Variants in CMSS1 observed in about 807,000 individuals in gnomAD.
CMSS1 encodes protein CMSS1.
Under a neutral mutation model 43.5 loss-of-function variants are expected in CMSS1, and 33 were observed. The ratio of observed to expected loss-of-function variants is 0.76; its 90% confidence interval spans 0.57 to 1.01. The LOEUF (loss-of-function observed/expected upper bound fraction) is 1.01, where lower values mean the gene tolerates loss of function less well. Among genes scored for constraint, CMSS1 ranks in the 50% least tolerant of loss-of-function variants. The probability of loss-of-function intolerance (pLI) is 0.00; values close to 1 mark genes in which losing one functional copy is unlikely to be tolerated. For missense variants in CMSS1, 313 were observed against 326.4 expected (o/e 0.96, Z 0.32); for synonymous variants, 115 against 117.2 (o/e 0.98, Z 0.12).
intron 1 of CMSS1, among the ~76,000 whole-genome samples, chr3:100,057,943 G>A (rs1016953115): frequency 2.6e-5 from 4 of 152,112 alleles, no homozygotes; most frequent in South Asian, 2.1e-4. Context: ...TAAATCTTTC[G>A]ACATCGTGAG....
chr3:99,849,981 ATC>A (rs1559657418), intron 1 of CMSS1: 1 of 1,612,230 alleles, frequency 6.2e-7, no homozygotes. Context: ...TTTTTAAATC[ATC>A]TCTCTCCTTG....
At chr3:100,000,639 C>G (rs1259175521) in intron 1 of CMSS1, among the ~76,000 whole-genome samples, 1 of 152,164 alleles carries the variant, frequency 6.6e-6, no homozygotes, top group Admixed American at 6.5e-5. Flanking sequence ...TGCTTGGGCC[C>G]AGGAGTTCAA....
chr3:99,925,794 T>G lies in CMSS1; in HGVS notation c.64+107751T>G, dbSNP rs545305886. ...ACCTCATAAAGGAAGAACCAGGCAG[T>G]AAAGAACATGCCAGTGGCCAAAAGC... is the stretch of plus-strand genomic sequence containing the variant. On this transcript the variant is annotated intron_variant, in intron 1 of 9. Transcript: ENST00000421999. 67 of 945,616 alleles carry G rather than the reference T, an allele frequency of 7.1e-5. No homozygotes were observed. In the Admixed American group the frequency reaches 7.4e-4, roughly 10 times the overall value. 58.6% of individuals were successfully genotyped at this position (945,616 alleles called of 1,614,324 possible). A position where few individuals can be genotyped will look rare whatever the true frequency, so the allele number is the denominator to read the frequency against.
chr3:100,171,861 G>A lies in CMSS1; in HGVS notation c.541G>A (p.Asp181Asn). ...LIRSMTAFRGDGKVIKLFAKH... is the reference protein window; with the variant it reads ...LIRSMTAFRGNGKVIKLFAKH... ...TAGGTCGATGACAGCATTCAGAGGA[G>A]ACGGCAAAGTTATAAAATTATTTGC... Residue 181 changes from aspartate (D) to asparagine (N), a missense_variant, in exon 7 of 10, where the codon GAC (aspartate) becomes AAC (asparagine). Asp to Asn is a conservative substitution (Grantham distance 23). Coordinates refer to ENST00000421999, the MANE Select transcript of CMSS1 (RefSeq NM_032359.4). 1 of 1,613,984 alleles carries A rather than the reference G, an allele frequency of 6.2e-7. No homozygotes were observed. The highest frequency in any genetic ancestry group is 1.1e-5 in the South Asian group (1 of 91,084).
At chr3:100,168,473 C>T (rs149813173) in intron 6 of CMSS1, among the ~76,000 whole-genome samples, 18 of 152,178 alleles carry the variant, frequency 1.2e-4, no homozygotes, top group African/African-American at 4.3e-4. Flanking sequence ...GGTGGGAGAA[C>T]TCTTGAGCCC....
intron 1 of CMSS1, among the ~76,000 whole-genome samples, chr3:100,032,904 C>T (rs2065044009): frequency 1.3e-5 from 2 of 152,128 alleles, no homozygotes; most frequent in Non-Finnish European, 2.9e-5. Context: ...TTCCCTGCAA[C>T]AAGCCTGCAA....
At chr3:99,880,966 G>A (rs1303651789) in intron 1 of CMSS1, among the ~76,000 whole-genome samples, 3 of 152,044 alleles carry the variant, frequency 2.0e-5, no homozygotes, top group African/African-American at 4.8e-5. Flanking sequence ...GTAGACATTG[G>A]GCTATTTAAA....
At chr3:100,061,562 A>T (rs952892485) in intron 1 of CMSS1, among the ~76,000 whole-genome samples, 15 of 152,220 alleles carry the variant, frequency 9.9e-5, no homozygotes, top group African/African-American at 3.1e-4. Flanking sequence ...GAACTTTTTT[A>T]AAAAATTGCT....
At chr3:99,844,383 A>G (rs942614528) in intron 1 of CMSS1, among the ~76,000 whole-genome samples, 14 of 152,154 alleles carry the variant, frequency 9.2e-5, no homozygotes, top group African/African-American at 3.4e-4. Flanking sequence ...ATTTTTGCCT[A>G]TCTTTTCTCT....
intron 1 of CMSS1, among the ~76,000 whole-genome samples, chr3:100,055,198 C>A (rs1157136346): frequency 4.6e-5 from 7 of 152,188 alleles, no homozygotes; most frequent in Admixed American, 2.0e-4. Flanking sequence ...TTATCAATTT[C>A]TTCGTGTATG....
At chr3:100,004,333 C>T (rs1181855547) in intron 1 of CMSS1, among the ~76,000 whole-genome samples, 2 of 152,050 alleles carry the variant, frequency 1.3e-5, no homozygotes, top group Non-Finnish European at 2.9e-5. Context: ...GGTAGCTGAA[C>T]ATATCTTCTA....
At chr3:100,111,297 A>G (rs963184029) in intron 1 of CMSS1, among the ~76,000 whole-genome samples, 3 of 152,146 alleles carry the variant, frequency 2.0e-5, no homozygotes, top group Admixed American at 1.3e-4. Flanking sequence ...GGTCAGGGCT[A>G]TGAGTACTCA....
chr3:99,987,482 T>C (rs532529749), intron 1 of CMSS1, among the ~76,000 whole-genome samples: 9 of 148,058 alleles, frequency 6.1e-5, no homozygotes, highest in African/African-American at 1.8e-4. Context: ...TGAGCCAAGA[T>C]TGTGCCACTG....
chr3:99,947,137 CAAA>C (rs397829321), intron 1 of CMSS1, among the ~76,000 whole-genome samples: 1 of 88,826 alleles, frequency 1.1e-5, no homozygotes. Flanking sequence ...GACTCTGTCT[CAAA>C]AAAAAAAAAA....
intron 1 of CMSS1, chr3:99,898,184 A>G (rs1007753356): frequency 1.5e-4 from 23 of 152,158 alleles, no homozygotes; most frequent in African/African-American, 5.6e-4. Flanking sequence ...TTTGTTGCAT[A>G]TTTTGACATT....
chr3:100,008,991 A>G lies in CMSS1; in HGVS notation c.65-137982A>G, dbSNP rs1221244903. 2.6e-5 allele frequency among the ~76,000 whole-genome samples: 4 copies of G among 152,360 alleles called. No individual in the cohort carries two copies. In the East Asian group the frequency reaches 7.7e-4, roughly 29 times the overall value. The stretch of plus-strand genomic sequence containing the variant: ...CATTGATTTTCAGATTTCATATGCA[A>G]CGATAGTTTTAGCCTCAACATCCAC... On this transcript the variant is annotated intron_variant, in intron 1 of 9. Transcript: ENST00000421999.
At chr3:99,957,588 C>G (rs770636645) in intron 1 of CMSS1, among the ~76,000 whole-genome samples, 10 of 151,822 alleles carry the variant, frequency 6.6e-5, no homozygotes, top group Non-Finnish European at 1.3e-4. Context: ...AATTTTCACC[C>G]TCTGGGGCCT....
chr3:99,980,121 C>T (rs1040048671), intron 1 of CMSS1, among the ~76,000 whole-genome samples: 2 of 152,074 alleles, frequency 1.3e-5, no homozygotes, highest in East Asian at 1.9e-4. Context: ...CAGTACAGTA[C>T]GGACTATATA....
At chr3:99,879,862 G>A (rs1705662343) in intron 1 of CMSS1, among the ~76,000 whole-genome samples, 1 of 152,142 alleles carries the variant, frequency 6.6e-6, no homozygotes, top group Admixed American at 6.5e-5. Context: ...TGAACAGAGT[G>A]GGAACAGACC....
Sources: allele counts gnomAD v4.1 joint callset (sites outside exome capture counted in the v4.1 genomes callset), GRCh38; gene constraint gnomAD v4.1.1; transcripts MANE v1.5; gene names NCBI Gene and HGNC (gene_info 2026-07-23, HGNC 2026-07-21).